IL23R: variants seen among roughly 807,000 people sequenced by gnomAD.
IL23R encodes the protein interleukin-23 receptor.
Under a neutral mutation model 56.9 loss-of-function variants are expected in IL23R, and 34 were observed. The ratio of observed to expected loss-of-function variants is 0.60; its 90% confidence interval spans 0.45 to 0.80. IL23R has a LOEUF of 0.80. Among genes scored for constraint, IL23R ranks in the 30% least tolerant of loss-of-function variants. The pLI is 0.00. For synonymous variants in IL23R, 230 were observed against 249.2 expected (o/e 0.92, Z 0.73); for missense variants, 635 against 730.0 (o/e 0.87, Z 1.50).
intron 6 of IL23R, among the ~76,000 whole-genome samples, chr1:67,218,473 G>A (rs749624179): frequency 2.6e-5 from 4 of 151,610 alleles, no homozygotes; most frequent in Non-Finnish European, 2.9e-5. Flanking sequence ...CACCATTAGC[G>A]AGTAAAATTA....
downstream of IL23R, among the ~76,000 whole-genome samples, chr1:67,261,671 G>A (rs1049437821): frequency 2.0e-5 from 3 of 152,112 alleles, no homozygotes; most frequent in Non-Finnish European, 4.4e-5. Flanking sequence ...ATTTGAGATT[G>A]AAATAACAAA....
At chr1:67,154,188 A>G (rs1347833675) in intron 1 of IL23R, among the ~76,000 whole-genome samples, 4 of 152,202 alleles carry the variant, frequency 2.6e-5, no homozygotes, top group Non-Finnish European at 4.4e-5. Context: ...TATGTGGTCT[A>G]TTTTAGAATA....
At chr1:67,179,546 T>C (rs1363517301) in intron 3 of IL23R, among the ~76,000 whole-genome samples, 2 of 152,192 alleles carry the variant, frequency 1.3e-5, no homozygotes, top group African/African-American at 2.4e-5. Context: ...CTATCAATTT[T>C]GTTGATTTTT....
At chr1:67,172,510 G>T (rs1430723513) in intron 3 of IL23R, among the ~76,000 whole-genome samples, 1 of 152,056 alleles carries the variant, frequency 6.6e-6, no homozygotes, top group Non-Finnish European at 1.5e-5. Flanking sequence ...AAGACTAAAT[G>T]CACACATATT....
chr1:67,214,807 A>C lies in IL23R; in HGVS notation c.799-4767A>C, dbSNP rs557586715. ...TTTTATACTCAGTACCTGTTTTAAG[A>C]AAAAACAACAAGGAAGTAAAAGCAA... On this transcript the variant is annotated intron_variant, in intron 6 of 10. Coordinates refer to ENST00000347310, the MANE Select transcript of IL23R (RefSeq NM_144701.3). Among the ~76,000 whole-genome samples the C allele has an allele frequency of 2.6e-5, 4 of 152,324 alleles. No individual in the cohort carries two copies. In the South Asian group the frequency reaches 8.3e-4, roughly 32 times the overall value.
At chr1:67,165,650 C>T (rs6683039), upstream of IL23R, among the ~76,000 whole-genome samples, 71,648 of 152,102 alleles carry the variant, frequency 0.47, 17,719 homozygotes, top group South Asian at 0.63. Flanking sequence ...GAAGGAAATT[C>T]TGCCATTGCG....
intron 1 of IL23R, among the ~76,000 whole-genome samples, chr1:67,150,720 A>G (rs1321369067): frequency 1.3e-5 from 2 of 151,620 alleles, no homozygotes; most frequent in Non-Finnish European, 2.9e-5. Context: ...CAGTTGGGTC[A>G]TATGAACCTG....
chr1:67,262,146 T>C (rs1238440106), downstream of IL23R, among the ~76,000 whole-genome samples: 1 of 152,178 alleles, frequency 6.6e-6, no homozygotes, highest in Non-Finnish European at 1.5e-5. Flanking sequence ...AAGGATTCAT[T>C]GAACTACTGA....
intron 7 of IL23R, among the ~76,000 whole-genome samples, chr1:67,233,927 G>A (rs1651281035): frequency 1.3e-5 from 1 of 76,872 alleles, no homozygotes; most frequent in Non-Finnish European, 2.4e-5. Context: ...CAGTCATAAA[G>A]GCTGTGTGTG....
At chr1:67,220,583 G>A (rs1164561496) in intron 7 of IL23R, among the ~76,000 whole-genome samples, 1 of 151,678 alleles carries the variant, frequency 6.6e-6, no homozygotes, top group Non-Finnish European at 1.5e-5. Context: ...AAACCATCTG[G>A]GAGGCTGGGT....
upstream of IL23R, among the ~76,000 whole-genome samples, chr1:67,164,848 G>A (rs543925448): frequency 1.3e-5 from 2 of 151,548 alleles, no homozygotes; most frequent in South Asian, 2.1e-4. Context: ...CAAGGAAGAC[G>A]GATAAATGGC....
chr1:67,144,568 A>G (rs1570751874), intron 1 of IL23R, among the ~76,000 whole-genome samples: 1 of 152,200 alleles, frequency 6.6e-6, no homozygotes. Context: ...GTCAAATACC[A>G]TTATTATCTT....
chr1:67,173,982 G>T (rs1407785456), intron 3 of IL23R, among the ~76,000 whole-genome samples: 1 of 151,996 alleles, frequency 6.6e-6, no homozygotes, highest in Non-Finnish European at 1.5e-5. Flanking sequence ...CCTTCCAAAG[G>T]CCAAGTACTT....
intron 9 of IL23R, among the ~76,000 whole-genome samples, chr1:67,252,989 C>A (rs1206987584): frequency 1.3e-5 from 2 of 152,124 alleles, no homozygotes; most frequent in African/African-American, 4.8e-5. Context: ...GGCACATACT[C>A]CTAAGTCAGG....
chr1:67,182,797 T>C, intron 3 of IL23R, 39 bp from the exon 4 acceptor site: 1 of 1,612,800 alleles, frequency 6.2e-7, no homozygotes, highest in Non-Finnish European at 8.5e-7. Context: ...GAACTTCGTA[T>C]TTCTTACAGC....
At chr1:67,245,108 C>T (rs1285208154) in intron 9 of IL23R, among the ~76,000 whole-genome samples, 1 of 152,164 alleles carries the variant, frequency 6.6e-6, no homozygotes, top group African/African-American at 2.4e-5. Flanking sequence ...ATTTGGCTCA[C>T]TGTTTGCCTG....
intron 10 of IL23R, among the ~76,000 whole-genome samples, chr1:67,256,844 T>G (rs904339361): frequency 4.6e-5 from 7 of 152,198 alleles, no homozygotes; most frequent in African/African-American, 1.7e-4. Flanking sequence ...CCCAACCTCA[T>G]GTCATCTGAA....
chr1:67,194,084 T>C (rs1289803518), intron 4 of IL23R, among the ~76,000 whole-genome samples: 3 of 152,208 alleles, frequency 2.0e-5, no homozygotes, highest in African/African-American at 7.2e-5. Context: ...AACAGCCAGA[T>C]GGAAGAGATG....
chr1:67,207,464 T>C (rs1649154202), intron 6 of IL23R, among the ~76,000 whole-genome samples: 1 of 152,188 alleles, frequency 6.6e-6, no homozygotes, highest in Non-Finnish European at 1.5e-5. Context: ...CAACTTGAAT[T>C]GTGTCTCCCA....
Sources: allele counts gnomAD v4.1 joint callset (sites outside exome capture counted in the v4.1 genomes callset), GRCh38; gene constraint gnomAD v4.1.1; transcripts MANE v1.5; gene names NCBI Gene and HGNC (gene_info 2026-07-23, HGNC 2026-07-21).